Variants in MAP2 observed in about 807,000 individuals in gnomAD.
MAP2 encodes the protein microtubule-associated protein 2.
In MAP2, 14 loss-of-function variants were observed where a neutral mutation model predicts 137.6. The ratio of observed to expected loss-of-function variants is 0.10; its 90% confidence interval spans 0.07 to 0.16. The LOEUF is 0.16. Among genes scored for constraint, MAP2 ranks in the 10% least tolerant of loss-of-function variants. The pLI is 1.00. For missense variants in MAP2, 2,088 were observed against 2,191.5 expected, an observed-to-expected ratio of 0.95 and a Z score of 0.94; for synonymous variants, 786 against 782.3, an observed-to-expected ratio of 1.00 and a Z score of -0.08.
In MAP2 at chr2:209,695,961, G is replaced by A. The variant is rs1000181156; in HGVS notation, c.3791G>A (p.Gly1264Asp). The stretch of plus-strand genomic sequence containing the variant: ...CAGATAACTGACCTGGGTGTCTCAG[G>A]TGCCAGGGAGGAATTTGTGGAGACC... ...TLQITDLGVS[G>D]AREEFVETCP... Residue 1264 changes from glycine (G) to aspartate (D), a missense_variant, in exon 8 of 16, where the codon GGT (glycine) becomes GAT (aspartate). Physicochemically the swap from Gly to Asp is moderately conservative, Grantham distance 94. Transcript: ENST00000682079. 2.5e-6 allele frequency: 4 copies of A among 1,614,050 alleles called. No individual in the cohort carries two copies. The highest frequency in any genetic ancestry group is 3.4e-6 in the Non-Finnish European group (4 of 1,179,992).
intron 13 of MAP2, among the ~76,000 whole-genome samples, chr2:209,717,330 C>A (rs887500610): frequency 6.6e-6 from 1 of 152,082 alleles, no homozygotes; most frequent in Non-Finnish European, 1.5e-5. Context: ...ACTTTTAAAT[C>A]ATCAGATCTC....
At chr2:209,712,653 T>C (rs2065892829) in intron 13 of MAP2, among the ~76,000 whole-genome samples, 1 of 152,140 alleles carries the variant, frequency 6.6e-6, no homozygotes, top group Admixed American at 6.5e-5. Context: ...ACTGTCTTTG[T>C]AGGAAAAACA....
intron 2 of MAP2, among the ~76,000 whole-genome samples, chr2:209,542,401 G>T (rs2067217647): frequency 6.6e-6 from 1 of 152,168 alleles, no homozygotes; most frequent in African/African-American, 2.4e-5. Context: ...AGGATTTTTG[G>T]AATGGTAAAT....
At chr2:209,559,575 C>T (rs533278792) in intron 2 of MAP2, among the ~76,000 whole-genome samples, 38 of 150,786 alleles carry the variant, frequency 2.5e-4, no homozygotes, top group Non-Finnish European at 4.1e-4. Flanking sequence ...CGCTTAAACG[C>T]GGGAGGCAGA....
At chr2:209,442,468 A>C (rs1698034600) in intron 1 of MAP2, among the ~76,000 whole-genome samples, 2 of 151,588 alleles carry the variant, frequency 1.3e-5, no homozygotes, top group South Asian at 4.1e-4. Flanking sequence ...AAATAGTAAG[A>C]GATTTTATTA....
intron 3 of MAP2, among the ~76,000 whole-genome samples, chr2:209,586,732 T>G (rs1291767608): frequency 6.6e-6 from 1 of 152,120 alleles, no homozygotes; most frequent in African/African-American, 2.4e-5. Context: ...AAGAGGGGCC[T>G]GAGATTCTGT....
chr2:209,545,944 TC>T (rs2067968390), intron 2 of MAP2, among the ~76,000 whole-genome samples: 1 of 152,074 alleles, frequency 6.6e-6, no homozygotes, highest in South Asian at 2.1e-4. Flanking sequence ...ATTGAGACCA[TC>T]CTGGTTAACA....
intron 2 of MAP2, among the ~76,000 whole-genome samples, chr2:209,565,201 C>G (rs889798979): frequency 4.6e-5 from 7 of 152,074 alleles, no homozygotes; most frequent in Admixed American, 3.9e-4. Context: ...GAATTGCAAA[C>G]TCAATGGAAA....
Position 209,710,021 on chromosome 2 carries a change from C to A in MAP2, c.4840C>A (p.Pro1614Thr), listed in dbSNP as rs755556272. The change falls in exon 13 of 16, where the codon CCA becomes ACA. Residue 1614 changes from proline (P) to threonine (T), a missense_variant. This residue lies in a region of MAP2 where 591 missense variants were observed against 642.6 expected (regional missense o/e 0.92). Coordinates refer to ENST00000682079, the MANE Select transcript of MAP2 (RefSeq NM_001375505.1). ...CCCACCAAGTTATTCTTCACGCACA[C>A]CAGGCACTCCTGGAACCCCTAGCTA... ...GTPPSYSSRT[P>T]GTPGTPSYPR... 1.9e-6 allele frequency: 3 copies of A among 1,613,914 alleles called. No homozygotes were observed. In the South Asian group the frequency reaches 3.3e-5, roughly 18 times the overall value.
At chr2:209,653,010 T>C (rs1318267310) in intron 4 of MAP2, 132 bp from the exon 5 acceptor site, 18 of 581,736 alleles carry the variant, frequency 3.1e-5, no homozygotes, top group Admixed American at 1.4e-4. Flanking sequence ...ATATTAAACA[T>C]AGGTTATTGT....
At chr2:209,637,248 C>T (rs1004050187) in intron 4 of MAP2, among the ~76,000 whole-genome samples, 2 of 152,020 alleles carry the variant, frequency 1.3e-5, no homozygotes, top group East Asian at 1.9e-4. Flanking sequence ...TTCAAGACCA[C>T]CCTAGCCAAT....
At chr2:209,582,659 ATAG>A (rs1191619488) in intron 3 of MAP2, among the ~76,000 whole-genome samples, 1 of 16,100 alleles carries the variant, frequency 6.2e-5, no homozygotes, top group African/African-American at 7.4e-5. Context: ...TAGATAGATG[ATAG>A]ATAGATAGAT....
intron 4 of MAP2, among the ~76,000 whole-genome samples, chr2:209,639,917 G>A (rs2093878142): frequency 6.6e-6 from 1 of 152,126 alleles, no homozygotes; most frequent in Non-Finnish European, 1.5e-5. Context: ...GAGACATAGA[G>A]TAGAGAGGAA....
chr2:209,595,475 G>A (rs1004254670), intron 3 of MAP2, among the ~76,000 whole-genome samples: 2 of 152,096 alleles, frequency 1.3e-5, no homozygotes, highest in Non-Finnish European at 2.9e-5. Flanking sequence ...CTGGAGAGGA[G>A]GTGGAGAAAC....
rs912629453 is a variant in MAP2, at chr2:209,732,070, A to C, written c.*1673A>C. 3.3e-5 allele frequency: 5 copies of C among 152,210 alleles called. No individual in the cohort carries two copies. 9.4% of individuals were successfully genotyped at this position (152,210 alleles called of 1,614,324 possible). The stretch of plus-strand genomic sequence containing the variant: ...CCAGGCTAGATGGACACTTTTTAAA[A>C]ATTTTATCTGTTCTTTTTCTTGCTC... On this transcript the variant is annotated 3_prime_UTR_variant, in exon 16 of 16. Coordinates refer to ENST00000682079, the MANE Select transcript of MAP2 (RefSeq NM_001375505.1).
At chr2:209,551,761 C>T (rs2069222275) in intron 2 of MAP2, among the ~76,000 whole-genome samples, 1 of 151,936 alleles carries the variant, frequency 6.6e-6, no homozygotes, top group South Asian at 2.1e-4. Flanking sequence ...ATAGTATGGC[C>T]AATTAAGAAA....
intron 3 of MAP2, among the ~76,000 whole-genome samples, chr2:209,593,087 A>G (rs968831175): frequency 3.9e-5 from 6 of 152,006 alleles, no homozygotes; most frequent in Non-Finnish European, 8.8e-5. Flanking sequence ...TTAGGTACTC[A>G]TATATTAATT....
intron 2 of MAP2, among the ~76,000 whole-genome samples, chr2:209,562,980 C>T (rs1319924760): frequency 6.6e-6 from 1 of 152,056 alleles, no homozygotes; most frequent in Admixed American, 6.6e-5. Flanking sequence ...TTGGATATTC[C>T]ATTGCTTCCT....
At chr2:209,546,003 C>T (rs574275377) in intron 2 of MAP2, among the ~76,000 whole-genome samples, 6 of 152,198 alleles carry the variant, frequency 3.9e-5, no homozygotes, top group Admixed American at 2.0e-4. Context: ...ATTAGCCAGG[C>T]GTGGTGGCAG....
Sources: gnomAD v4.1 joint callset for allele counts (sites outside exome capture counted in the v4.1 genomes callset) on GRCh38, gnomAD v4.1.1 for gene constraint, gnomAD v4.1.1 regional missense constraint, MANE v1.5 for transcripts, NCBI Gene and HGNC (gene_info 2026-07-23, HGNC 2026-07-21) for gene names.